The following CHRNA3 variants were observed in gnomAD, a reference collection of about 807,000 sequenced individuals.
CHRNA3 encodes the protein neuronal acetylcholine receptor subunit alpha-3.
CHRNA3 carries 34 observed loss-of-function variants against 41.9 expected under a neutral mutation model. The observed-to-expected ratio is 0.81, with a 90% confidence interval of 0.62 to 1.08. CHRNA3 has a LOEUF of 1.08. CHRNA3 is among the 50% of genes least tolerant of loss of function. The pLI is 0.00. For missense variants in CHRNA3, 542 were observed against 638.3 expected (o/e 0.85, Z 1.63); for synonymous variants, 281 against 265.2 (o/e 1.06, Z -0.58).
chr15:78,597,073 T>G (rs182762441), intron 5 of CHRNA3, among the ~76,000 whole-genome samples: 1 of 152,244 alleles, frequency 6.6e-6, no homozygotes, highest in Admixed American at 6.5e-5. Context: ...TTCTGGGCCT[T>G]GGTTAGAATG....
At position 78,601,818 on chromosome 15, in the gene CHRNA3, A is replaced by G; in HGVS notation, c.824T>C (p.Leu275Pro). ...LPSDCGEKVT[L>P]CISVLLSLTV... Reference sequence around the variant, plus strand: ...CAGGGAGAGGAGGACAGAAATGCACAGGGTCACCTTCTCACCGCAGTCGGA... The same window carrying G: ...CAGGGAGAGGAGGACAGAAATGCACGGGGTCACCTTCTCACCGCAGTCGGA... Residue 275 changes from leucine to proline, a missense_variant, in exon 5 of 6, where the codon CTG (leucine) becomes CCG (proline). Coordinates refer to ENST00000326828, the MANE Select transcript of CHRNA3 (RefSeq NM_000743.5). The G allele has an allele frequency of 1.2e-6, 2 of 1,614,180 alleles. No individual in the cohort carries two copies. Among genetic ancestry groups the G allele is most frequent in the Non-Finnish European group, 1.7e-6 (2 of 1,180,030 alleles).
In CHRNA3 at chr15:78,602,213, G is replaced by A. The variant is rs754167059; in HGVS notation, c.429C>T (p.Tyr143=). 2 of 1,614,018 alleles carry A rather than the reference G, an allele frequency of 1.2e-6. No homozygotes were observed. The highest frequency in any genetic ancestry group is 1.7e-6 in the Non-Finnish European group (2 of 1,180,032). The change falls in exon 5 of 6, where the codon TAC becomes TAT. Residue 143 remains tyrosine (Y), a synonymous_variant. Coordinates refer to ENST00000326828, the MANE Select transcript of CHRNA3 (RefSeq NM_000743.5). ...VDDKTKALLK[Y]TGEVTWIPPA... ...GAGGTATCCAAGTCACCTCCCCAGT[G>A]TACTTGAGTAAGGCTTTGGTCTTGT... is the stretch of plus-strand genomic sequence containing the variant.
Position 78,609,124 on chromosome 15 carries a change from G to A in CHRNA3, c.378-6860C>T, listed in dbSNP as rs574422202. On this transcript the variant is annotated intron_variant, in intron 4 of 5. Coordinates refer to ENST00000326828, the MANE Select transcript of CHRNA3 (RefSeq NM_000743.5). ...TGATTGGTGTACCTGAAAGTGACGGGGAGAATGGAACCAAGTTGGAAAACA... is the reference window on the plus strand; with the variant it reads ...TGATTGGTGTACCTGAAAGTGACGGAGAGAATGGAACCAAGTTGGAAAACA... 2.3e-4 allele frequency among the ~76,000 whole-genome samples: 35 copies of A among 152,258 alleles called. No individual in the cohort carries two copies. In the East Asian group the frequency reaches 6.7e-3, roughly 29 times the overall value.
At chr15:78,601,186 C>G (rs1043088121) in intron 5 of CHRNA3, 67 bp downstream of exon 5, 3 of 1,526,412 alleles carry the variant, frequency 2.0e-6, no homozygotes, top group Non-Finnish European at 1.8e-6. Flanking sequence ...ATGCCTTGCC[C>G]CACGAGGAAC....
At chr15:78,613,491 G>A (rs1336614239) in intron 4 of CHRNA3, among the ~76,000 whole-genome samples, 4 of 147,388 alleles carry the variant, frequency 2.7e-5, no homozygotes, top group Non-Finnish European at 3.0e-5. Context: ...AACACCGCAT[G>A]TTATCACTCA....
intron 4 of CHRNA3, among the ~76,000 whole-genome samples, chr15:78,605,945 T>A (rs530740188): frequency 6.6e-6 from 1 of 152,274 alleles, no homozygotes; most frequent in East Asian, 1.9e-4. Context: ...TCTTCTCCTA[T>A]TCCCCCCAAG....
intron 4 of CHRNA3, among the ~76,000 whole-genome samples, chr15:78,613,017 G>A (rs1330139378): frequency 1.3e-5 from 2 of 152,178 alleles, no homozygotes; most frequent in African/African-American, 4.8e-5. Context: ...AAACCACAAT[G>A]AGATACCATC....
chr15:78,608,340 C>T (rs1038399859), intron 4 of CHRNA3, among the ~76,000 whole-genome samples: 4 of 152,206 alleles, frequency 2.6e-5, no homozygotes, highest in African/African-American at 7.2e-5. Context: ...ACACCTCACA[C>T]GGCCGGGTAC....
At chr15:78,598,830 C>T (rs2053152140) in intron 5 of CHRNA3, among the ~76,000 whole-genome samples, 1 of 145,070 alleles carries the variant, frequency 6.9e-6, no homozygotes, top group Non-Finnish European at 1.5e-5. Context: ...GCCACTGCAC[C>T]CGGCATTTTT....
intron 4 of CHRNA3, among the ~76,000 whole-genome samples, chr15:78,612,475 C>A (rs2053395115): frequency 9.2e-6 from 1 of 109,204 alleles, no homozygotes. Flanking sequence ...GGAAAGGATT[C>A]CCTATTTAAT....
Position 78,596,247 on chromosome 15 carries a change from T to C in CHRNA3, c.*357A>G, listed in dbSNP as rs190513828. On this transcript the variant is annotated 3_prime_UTR_variant, in exon 6 of 6. Coordinates refer to ENST00000326828, the MANE Select transcript of CHRNA3 (RefSeq NM_000743.5). ...AAAATTACTGGGAGATCTGTAGTGA[T>C]AACTGAATGACTTTTCATATTTCTG... is the stretch of plus-strand genomic sequence containing the variant. 15 of 991,690 alleles carry C rather than the reference T, an allele frequency of 1.5e-5. No individual in the cohort carries two copies. In the East Asian group the frequency reaches 4.4e-4, roughly 29 times the overall value. The allele number at this position is 991,690 out of a possible 1,614,324, so 61.4% of individuals were successfully genotyped here. A position where few individuals can be genotyped will look rare whatever the true frequency, so the allele number is the denominator to read the frequency against.
Position 78,613,081 on chromosome 15 carries a change from C to A in CHRNA3, c.377+3943G>T, listed in dbSNP as rs191740406. Among the ~76,000 whole-genome samples the A allele has an allele frequency of 5.0e-3, 758 of 152,202 alleles. 12 individuals are homozygous for A. The highest frequency in any genetic ancestry group is 0.026 in the East Asian group (133 of 5,184). On this transcript the variant is annotated intron_variant, in intron 4 of 5. Coordinates refer to ENST00000326828, the MANE Select transcript of CHRNA3 (RefSeq NM_000743.5). ...AAGGTCAGGAAACAACAGATGCTGG[C>A]GAGGATGTGGAGAAATAGGAACACT...
At chr15:78,614,131 T>C (rs2053427278) in intron 4 of CHRNA3, among the ~76,000 whole-genome samples, 1 of 152,160 alleles carries the variant, frequency 6.6e-6, no homozygotes, top group Non-Finnish European at 1.5e-5. Context: ...TTGCAACATT[T>C]TGCTACGCCT....
At chr15:78,600,824 C>T (rs71407272) in intron 5 of CHRNA3, among the ~76,000 whole-genome samples, 5 of 151,964 alleles carry the variant, frequency 3.3e-5, no homozygotes, top group Non-Finnish European at 5.9e-5. Context: ...GCCAAGATTG[C>T]GCCACTGCAC....
intron 1 of CHRNA3, chr15:78,619,885 A>T (rs1461009131): frequency 6.6e-6 from 1 of 152,268 alleles, no homozygotes; most frequent in Non-Finnish European, 1.5e-5. Context: ...AGGATGAAAG[A>T]AGGGTCCCAG....
chr15:78,620,437 C>T (rs1408595920), intron 1 of CHRNA3, among the ~76,000 whole-genome samples: 1 of 150,702 alleles, frequency 6.6e-6, no homozygotes, highest in African/African-American at 2.4e-5. Context: ...ACGAAGGACC[C>T]GGTCTCGACC....
chr15:78,612,237 A>C (rs2141338871), intron 4 of CHRNA3, among the ~76,000 whole-genome samples: 1 of 151,728 alleles, frequency 6.6e-6, no homozygotes, highest in Non-Finnish European at 1.5e-5. Flanking sequence ...ATATGGAACC[A>C]AAACAGAGCC....
At chr15:78,596,854 A>C in intron 5 of CHRNA3, 122 bp from the exon 6 acceptor site, 1 of 1,383,932 alleles carries the variant, frequency 7.2e-7, no homozygotes, top group Non-Finnish European at 9.4e-7. Flanking sequence ...ATATGTAAGA[A>C]GCCCTTTTTT....
intron 1 of CHRNA3, among the ~76,000 whole-genome samples, chr15:78,620,457 C>G (rs964997928): frequency 6.6e-6 from 1 of 152,248 alleles, no homozygotes; most frequent in African/African-American, 2.4e-5. Flanking sequence ...CTCCCCATCA[C>G]CCGGCGCGTA....
Sources: gnomAD v4.1 joint callset for allele counts (sites outside exome capture counted in the v4.1 genomes callset) on GRCh38, gnomAD v4.1.1 for gene constraint, MANE v1.5 for transcripts, NCBI Gene and HGNC (gene_info 2026-07-23, HGNC 2026-07-21) for gene names.